The following FLRT2 variants were observed in gnomAD, a reference collection of about 807,000 sequenced individuals.
FLRT2 encodes the protein leucine-rich repeat transmembrane protein FLRT2.
Under a neutral mutation model 40.0 loss-of-function variants are expected in FLRT2, and 15 were observed. The observed-to-expected ratio is 0.38, with a 90% CI of 0.25 to 0.58. The LOEUF (loss-of-function observed/expected upper bound fraction) is 0.58, where lower values mean the gene tolerates loss of function less well. Ranked by LOEUF, FLRT2 falls within the 20% of genes least tolerant of loss-of-function variation. The pLI is 0.71. For missense variants in FLRT2, 726 were observed against 840.0 expected (o/e 0.86, Z 1.68); for synonymous variants, 380 against 336.8 (o/e 1.13, Z -1.41).
intron 1 of FLRT2, chr14:85,561,180 C>T (rs1314314573): frequency 1.3e-5 from 2 of 152,150 alleles, no homozygotes; most frequent in Non-Finnish European, 2.9e-5. Flanking sequence ...GGCTTTTTAA[C>T]GTCTCGCAGT....
At chr14:85,599,217 G>T (rs374491427) in intron 1 of FLRT2, among the ~76,000 whole-genome samples, 1,076 of 99,932 alleles carry the variant, frequency 0.011, 17 homozygotes, top group African/African-American at 0.039. Context: ...GCTGCGCCTG[G>T]CCTTTTTTTT....
intron 1 of FLRT2, among the ~76,000 whole-genome samples, chr14:85,564,793 C>G (rs1172363668): frequency 1.3e-5 from 2 of 152,114 alleles, no homozygotes; most frequent in East Asian, 3.9e-4. Context: ...CAAATCAGCT[C>G]CTACATCTGG....
At chr14:85,567,665 G>T in intron 1 of FLRT2, among the ~76,000 whole-genome samples, 1 of 129,692 alleles carries the variant, frequency 7.7e-6, no homozygotes, top group Non-Finnish European at 1.6e-5. Context: ...TTTTGAGACG[G>T]AGTCTCACTC....
chr14:85,573,276 C>T (rs1890979124), intron 1 of FLRT2, among the ~76,000 whole-genome samples: 1 of 152,086 alleles, frequency 6.6e-6, no homozygotes. Flanking sequence ...ATCACACTCA[C>T]ACATCACACA....
intron 1 of FLRT2, among the ~76,000 whole-genome samples, chr14:85,555,689 CTATTTTATTT>C (rs142498787): frequency 5.5e-4 from 65 of 117,884 alleles, no homozygotes; most frequent in African/African-American, 1.3e-3. Flanking sequence ...TATCTGAAAT[CTATTTTATTT>C]TATTTTATTT....
intron 1 of FLRT2, among the ~76,000 whole-genome samples, chr14:85,535,040 G>A (rs1888563799): frequency 6.6e-6 from 1 of 152,132 alleles, no homozygotes; most frequent in South Asian, 2.1e-4. Flanking sequence ...CAAGTGTAAG[G>A]CACAAATCCG....
intron 1 of FLRT2, among the ~76,000 whole-genome samples, chr14:85,605,873 T>C (rs1892586305): frequency 6.6e-6 from 1 of 152,220 alleles, no homozygotes; most frequent in Non-Finnish European, 1.5e-5. Flanking sequence ...ATCTATATAT[T>C]TCCATAGCAC....
At chr14:85,605,909 C>G (rs1392366172) in intron 1 of FLRT2, among the ~76,000 whole-genome samples, 3 of 152,082 alleles carry the variant, frequency 2.0e-5, no homozygotes, top group Non-Finnish European at 2.9e-5. Context: ...TATTTTCTCC[C>G]CCAAATATGT....
intron 1 of FLRT2, chr14:85,561,329 A>G (rs1213280213): frequency 6.6e-6 from 1 of 152,142 alleles, no homozygotes; most frequent in African/African-American, 2.4e-5. Context: ...TTACAATCTC[A>G]GTTTATGTTG....
At chr14:85,568,769 C>T (rs1042355609) in intron 1 of FLRT2, among the ~76,000 whole-genome samples, 2 of 152,198 alleles carry the variant, frequency 1.3e-5, no homozygotes, top group African/African-American at 4.8e-5. Flanking sequence ...CCTTTCTTCT[C>T]TCACCTACTT....
intron 1 of FLRT2, among the ~76,000 whole-genome samples, chr14:85,598,026 C>T (rs531341693): frequency 6.6e-6 from 1 of 152,282 alleles, no homozygotes; most frequent in Admixed American, 6.5e-5. Context: ...TTTCTTATGG[C>T]TTGCCTACAC....
At chr14:85,614,882 T>C (rs988248825) in intron 1 of FLRT2, among the ~76,000 whole-genome samples, 4 of 152,240 alleles carry the variant, frequency 2.6e-5, no homozygotes, top group African/African-American at 9.6e-5. Context: ...ATGAACTGAA[T>C]TATATTCCTT....
intron 1 of FLRT2, among the ~76,000 whole-genome samples, chr14:85,536,601 T>C (rs1160344754): frequency 1.3e-5 from 2 of 151,922 alleles, no homozygotes; most frequent in African/African-American, 4.8e-5. Context: ...ATTCAGTCCA[T>C]TAGTGACCTC....
chr14:85,572,893 C>T (rs1240142809), intron 1 of FLRT2, among the ~76,000 whole-genome samples: 1 of 152,018 alleles, frequency 6.6e-6, no homozygotes, highest in East Asian at 1.9e-4. Context: ...GCCTGTGGAA[C>T]CTGGATTTGA....
intron 1 of FLRT2, among the ~76,000 whole-genome samples, chr14:85,577,587 A>G (rs527447178): frequency 2.0e-5 from 3 of 148,886 alleles, no homozygotes; most frequent in African/African-American, 7.4e-5. Context: ...TTTCCTGATT[A>G]TTTTTTTTTT....
chr14:85,652,062 A>T lies in FLRT2; in HGVS notation c.*28565A>T, dbSNP rs2139412159. On this transcript the variant is annotated 3_prime_UTR_variant, in exon 2 of 2. Transcript: ENST00000330753. ...TAGATCAGATAATTCTCATTAAATC[A>T]GCTGTTTATTAAAAAAAGCAATGAG... 6.6e-6 allele frequency: 1 copy of T among 152,232 alleles called. No homozygotes were observed. The highest frequency in any genetic ancestry group is 2.4e-5 in the African/African-American group (1 of 41,572). 9.4% of individuals were successfully genotyped at this position (152,232 alleles called of 1,614,324 possible). A position where few individuals can be genotyped will look rare whatever the true frequency, so the allele number is the denominator to read the frequency against.
intron 1 of FLRT2, among the ~76,000 whole-genome samples, chr14:85,603,852 A>T (rs1595075323): frequency 6.6e-6 from 1 of 152,190 alleles, no homozygotes; most frequent in Non-Finnish European, 1.5e-5. Context: ...CCTGGGCGAC[A>T]GAGCGAGACT....
At chr14:85,586,754 T>C (rs1595056898) in intron 1 of FLRT2, among the ~76,000 whole-genome samples, 1 of 152,136 alleles carries the variant, frequency 6.6e-6, no homozygotes, top group East Asian at 1.9e-4. Context: ...AAGGTCTTTG[T>C]TTAGGTTTCT....
At chr14:85,533,460 A>C (rs1178235276) in intron 1 of FLRT2, among the ~76,000 whole-genome samples, 2 of 151,916 alleles carry the variant, frequency 1.3e-5, no homozygotes, top group East Asian at 4.0e-4. Context: ...AGCTGTCCGC[A>C]CACACGCGTC....
Sources: gnomAD v4.1 joint callset for allele counts (sites outside exome capture counted in the v4.1 genomes callset) on GRCh38, gnomAD v4.1.1 for gene constraint, MANE v1.5 for transcripts, NCBI Gene and HGNC (gene_info 2026-07-23, HGNC 2026-07-21) for gene names.